THSD7A: variants seen among roughly 807,000 people sequenced by gnomAD.
The protein encoded by THSD7A is thrombospondin type 1 domain containing 7A.
A neutral mutation model predicts 231.3 loss-of-function variants in THSD7A; 96 were observed. The ratio of observed to expected loss-of-function variants is 0.41; its 90% confidence interval spans 0.35 to 0.49. The LOEUF is 0.49. Ranked by LOEUF, THSD7A falls within the 20% of genes least tolerant of loss-of-function variation. The probability of loss-of-function intolerance (pLI) is 0.05; values close to 1 mark genes in which losing one functional copy is unlikely to be tolerated. For missense variants in THSD7A, 2,290 were observed against 2,070.2 expected, an observed-to-expected ratio of 1.11 and a Z score of -2.06; for synonymous variants, 940 against 743.3, an observed-to-expected ratio of 1.26 and a Z score of -4.30.
chr7:11,397,701 A>C (rs1692268866), intron 23 of THSD7A, among the ~76,000 whole-genome samples: 1 of 152,224 alleles, frequency 6.6e-6, no homozygotes, highest in African/African-American at 2.4e-5. Context: ...AACTTAAACA[A>C]ATTTACAAGA....
rs1300925671 is a variant in THSD7A, at chr7:11,371,116, A to G, written c.*4678T>C. On this transcript the variant is annotated 3_prime_UTR_variant, in exon 28 of 28. Transcript: ENST00000423059. The stretch of plus-strand genomic sequence containing the variant: ...GCCCATTTTTAAGATCTGACTTGGT[A>G]GAAACACAGAAAAATAAAAATGCAA... The G allele has an allele frequency of 3.3e-5, 5 of 152,240 alleles. No homozygotes were observed. In the South Asian group the frequency reaches 8.3e-4, roughly 25 times the overall value. The allele number at this position is 152,240 out of a possible 1,614,324, so 9.4% of individuals were successfully genotyped here. A position where few individuals can be genotyped will look rare whatever the true frequency, so the allele number is the denominator to read the frequency against.
chr7:11,602,003 T>G (rs910222331), intron 2 of THSD7A, among the ~76,000 whole-genome samples: 6 of 152,184 alleles, frequency 3.9e-5, no homozygotes, highest in African/African-American at 4.8e-5. Context: ...TAAATCTGTT[T>G]GTTAGAGCAA....
At chr7:11,767,841 A>T (rs1335456416) in intron 1 of THSD7A, among the ~76,000 whole-genome samples, 1 of 152,176 alleles carries the variant, frequency 6.6e-6, no homozygotes, top group Non-Finnish European at 1.5e-5. Context: ...AGCTCCAACA[A>T]GGAAACAGCT....
rs906516898 is a variant in THSD7A at position 11,375,369 on chromosome 7, C to G, written c.*425G>C. On this transcript the variant is annotated 3_prime_UTR_variant, in exon 28 of 28. Coordinates refer to ENST00000423059, the MANE Select transcript of THSD7A (RefSeq NM_015204.3). ...AATGTGTGTCATTCAACTGAGTACA[C>G]ATGTTAATTTGACCATAGTATTGTG... is the stretch of plus-strand genomic sequence containing the variant. 1.3e-5 allele frequency: 2 copies of G among 155,840 alleles called. No homozygotes were observed. The highest frequency in any genetic ancestry group is 4.8e-5 in the African/African-American group (2 of 41,508). The allele number at this position is 155,840 out of a possible 1,614,324, so 9.7% of individuals were successfully genotyped here.
chr7:11,803,146 T>G (rs1023563267), intron 1 of THSD7A, among the ~76,000 whole-genome samples: 1 of 152,172 alleles, frequency 6.6e-6, no homozygotes, highest in Non-Finnish European at 1.5e-5. Context: ...AAGGTGGGAC[T>G]TTTTCAACAG....
chr7:11,556,445 G>A (rs979114748), intron 4 of THSD7A, among the ~76,000 whole-genome samples: 5 of 151,522 alleles, frequency 3.3e-5, no homozygotes, highest in South Asian at 2.1e-4. Context: ...TATCGTCTAC[G>A]TATTTTTAGA....
At chr7:11,783,375 T>C (rs1372968277) in intron 1 of THSD7A, among the ~76,000 whole-genome samples, 1 of 152,174 alleles carries the variant, frequency 6.6e-6, no homozygotes, top group Non-Finnish European at 1.5e-5. Context: ...ACAGAATGGT[T>C]GTGTAGATAC....
At chr7:11,456,668 G>C (rs1196001872) in intron 11 of THSD7A, among the ~76,000 whole-genome samples, 2 of 151,824 alleles carry the variant, frequency 1.3e-5, no homozygotes, top group Non-Finnish European at 2.9e-5. Context: ...ATTATTTTTG[G>C]CTTTGTAGGC....
intron 4 of THSD7A, among the ~76,000 whole-genome samples, chr7:11,561,466 C>A (rs1445336965): frequency 6.6e-6 from 1 of 152,180 alleles, no homozygotes; most frequent in African/African-American, 2.4e-5. Context: ...ATGGGATATT[C>A]TGCACTTATA....
chr7:11,417,003 GTATTCCCAC>G (rs1289938025), intron 17 of THSD7A, among the ~76,000 whole-genome samples: 1 of 152,180 alleles, frequency 6.6e-6, no homozygotes, highest in Non-Finnish European at 1.5e-5. Context: ...CCCTGCTGCT[GTATTCCCAC>G]TGTGTGAGAG....
intron 4 of THSD7A, among the ~76,000 whole-genome samples, chr7:11,572,151 C>T (rs1481661666): frequency 1.3e-5 from 2 of 152,064 alleles, no homozygotes; most frequent in African/African-American, 4.8e-5. Flanking sequence ...AACTCCTGGG[C>T]TCAAGCAGTG....
chr7:11,686,382 T>A (rs1037636747), intron 1 of THSD7A, among the ~76,000 whole-genome samples: 2 of 151,924 alleles, frequency 1.3e-5, no homozygotes, highest in Admixed American at 6.6e-5. Context: ...AAAATAATGC[T>A]ATTTAGCATT....
At chr7:11,527,636 AGG>A (rs61678318) in intron 6 of THSD7A, among the ~76,000 whole-genome samples, 38,113 of 152,028 alleles carry the variant, frequency 0.25, 6,083 homozygotes, top group Non-Finnish European at 0.36. Flanking sequence ...AGTATAATCT[AGG>A]GGTTTTGCAA....
At position 11,375,179 on chromosome 7, in the gene THSD7A, G is replaced by A. The variant is rs1782215227; in HGVS notation, c.*615C>T. The A allele has an allele frequency of 6.6e-6, 1 of 151,902 alleles. No individual in the cohort carries two copies. Among genetic ancestry groups the A allele is most frequent in the Non-Finnish European group, 1.5e-5 (1 of 67,940 alleles). 9.4% of individuals were successfully genotyped at this position (151,902 alleles called of 1,614,324 possible). ...GTCCAGCATTCTTACTTTGGAGAGA[G>A]ACAAGAAGTCTTAAAAAAGAGGCTT... is the stretch of plus-strand genomic sequence containing the variant. On this transcript the variant is annotated 3_prime_UTR_variant, in exon 28 of 28. Coordinates refer to ENST00000423059, the MANE Select transcript of THSD7A (RefSeq NM_015204.3).
intron 6 of THSD7A, among the ~76,000 whole-genome samples, chr7:11,532,762 T>G (rs1423693660): frequency 2.0e-5 from 3 of 152,192 alleles, no homozygotes; most frequent in African/African-American, 7.2e-5. Context: ...CTGAGAATGA[T>G]ATGCTATTGG....
intron 6 of THSD7A, among the ~76,000 whole-genome samples, chr7:11,524,441 T>C (rs970240566): frequency 1.3e-5 from 2 of 152,166 alleles, no homozygotes; most frequent in African/African-American, 4.8e-5. Flanking sequence ...TAAACCCCCA[T>C]TCATTCAGAA....
chr7:11,648,385 A>G (rs528744591), intron 1 of THSD7A, among the ~76,000 whole-genome samples: 1 of 152,132 alleles, frequency 6.6e-6, no homozygotes, highest in South Asian at 2.1e-4. Flanking sequence ...TCCTCTCTGT[A>G]AAAGAAGTAG....
intron 9 of THSD7A, among the ~76,000 whole-genome samples, chr7:11,467,255 T>C (rs1785747023): frequency 6.6e-6 from 1 of 152,132 alleles, no homozygotes; most frequent in African/African-American, 2.4e-5. Context: ...CTTTTCAGTA[T>C]GATTTTTCTT....
rs73676057 is a variant in THSD7A at position 11,639,143 on chromosome 7, G to C, written c.191-2182C>G. On this transcript the variant is annotated intron_variant, in intron 1 of 27. Coordinates refer to ENST00000423059, the MANE Select transcript of THSD7A (RefSeq NM_015204.3). ...ATTAAGTCTGAATTTGAAAATATAAGTGTCTTATACTAAATCAGACTCTAA... is the reference window on the plus strand; with the variant it reads ...ATTAAGTCTGAATTTGAAAATATAACTGTCTTATACTAAATCAGACTCTAA... Among the ~76,000 whole-genome samples, 459 of 151,940 alleles carry C rather than the reference G, an allele frequency of 3.0e-3. 1 individual carries two copies. Among genetic ancestry groups the C allele is most frequent in the African/African-American group, 9.7e-3 (399 of 41,292 alleles).
Sources: gnomAD v4.1 joint callset for allele counts (sites outside exome capture counted in the v4.1 genomes callset) on GRCh38, gnomAD v4.1.1 for gene constraint, MANE v1.5 for transcripts, NCBI Gene and HGNC (gene_info 2026-07-23, HGNC 2026-07-21) for gene names.